Variants in LSAMP observed in about 807,000 individuals in gnomAD.
LSAMP encodes limbic system associated membrane protein, also known as limbic system-associated membrane protein.
LSAMP carries 7 observed loss-of-function variants against 38.6 expected under a neutral mutation model. That is an observed-to-expected ratio of 0.18 (90% CI 0.10 to 0.34). LSAMP has a LOEUF of 0.34. Ranked by LOEUF, LSAMP falls within the 10% of genes least tolerant of loss-of-function variation. The pLI, the probability that LSAMP is intolerant of heterozygous loss-of-function variation, is 1.00. For synonymous variants in LSAMP, 154 were observed against 166.8 expected, an observed-to-expected ratio of 0.92 and a Z score of 0.59; for missense variants, 313 against 420.0, an observed-to-expected ratio of 0.75 and a Z score of 2.23.
At chr3:116,354,040 C>A (rs186458601) in intron 1 of LSAMP, among the ~76,000 whole-genome samples, 1 of 152,084 alleles carries the variant, frequency 6.6e-6, no homozygotes, top group South Asian at 2.1e-4. Context: ...TCTGCTAAAA[C>A]CCTTCCCACA....
At chr3:116,103,126 A>C (rs1313497077) in intron 1 of LSAMP, among the ~76,000 whole-genome samples, 2 of 152,134 alleles carry the variant, frequency 1.3e-5, no homozygotes, top group Non-Finnish European at 2.9e-5. Flanking sequence ...TTTCTTTACT[A>C]TATTAATCAT....
intron 1 of LSAMP, among the ~76,000 whole-genome samples, chr3:116,340,153 A>G (rs533835291): frequency 2.6e-5 from 4 of 152,150 alleles, no homozygotes; most frequent in South Asian, 2.1e-4. Flanking sequence ...ACTTTGGGTA[A>G]TTTAGTCTGC....
chr3:115,930,034 C>T (rs1416195689), intron 3 of LSAMP, among the ~76,000 whole-genome samples: 2 of 56,996 alleles, frequency 3.5e-5, no homozygotes, highest in Admixed American at 2.7e-4. Flanking sequence ...TTTGACACAG[C>T]AGATAGGTCT....
intron 3 of LSAMP, among the ~76,000 whole-genome samples, chr3:115,889,074 C>T (rs1016730829): frequency 6.6e-6 from 1 of 151,848 alleles, no homozygotes; most frequent in Non-Finnish European, 1.5e-5. Flanking sequence ...AATGTTCTCC[C>T]TCTCTCTAAA....
At chr3:116,309,814 T>C (rs2107715460) in intron 1 of LSAMP, among the ~76,000 whole-genome samples, 1 of 152,278 alleles carries the variant, frequency 6.6e-6, no homozygotes, top group Non-Finnish European at 1.5e-5. Context: ...CTGGTTACAA[T>C]AGCTGGCCAA....
chr3:116,190,305 C>A (rs1207616113), intron 1 of LSAMP, among the ~76,000 whole-genome samples: 4 of 152,116 alleles, frequency 2.6e-5, no homozygotes, highest in Admixed American at 6.5e-5. Context: ...TCCTTTCCCC[C>A]CTTTTTATTA....
chr3:116,016,109 T>G (rs1940475018), intron 3 of LSAMP, among the ~76,000 whole-genome samples: 1 of 152,120 alleles, frequency 6.6e-6, no homozygotes, highest in African/African-American at 2.4e-5. Flanking sequence ...CCACATAGCT[T>G]GTTTGTAATC....
intron 3 of LSAMP, among the ~76,000 whole-genome samples, chr3:115,950,980 C>T (rs749967347): frequency 4.6e-5 from 7 of 152,058 alleles, no homozygotes; most frequent in Non-Finnish European, 1.5e-5. Flanking sequence ...CAGATACTTA[C>T]AGCCAACTGA....
intron 6 of LSAMP, chr3:115,816,508 G>C (rs1306019032): frequency 9.5e-6 from 6 of 632,962 alleles, no homozygotes. Context: ...TATGGAAATT[G>C]TTATCACAAA....
intron 2 of LSAMP, among the ~76,000 whole-genome samples, chr3:116,038,309 T>C (rs1021585510): frequency 6.6e-6 from 1 of 152,156 alleles, no homozygotes; most frequent in Non-Finnish European, 1.5e-5. Flanking sequence ...TAAATGTCAC[T>C]AATCTCTGAA....
At chr3:116,117,363 T>C (rs896630898) in intron 1 of LSAMP, among the ~76,000 whole-genome samples, 78 of 152,160 alleles carry the variant, frequency 5.1e-4, no homozygotes, top group African/African-American at 1.9e-3. Flanking sequence ...TAGAACAGTT[T>C]TAGATTTACT....
At position 115,810,057 on chromosome 3, in the gene LSAMP, G is replaced by C; in HGVS notation, c.*260C>G. ...TCTTTACACAGCATACATTTGCTTA[G>C]TAGATATAAACATATCCCAGTAGAA... On this transcript the variant is annotated 3_prime_UTR_variant, in exon 7 of 7. Transcript: ENST00000490035. The C allele has an allele frequency of 2.5e-6, 1 of 402,786 alleles. No individual in the cohort carries two copies. The highest frequency in any genetic ancestry group is 4.5e-6 in the Non-Finnish European group (1 of 223,222). The allele number at this position is 402,786 out of a possible 1,614,324, so 25.0% of individuals were successfully genotyped here. A position where few individuals can be genotyped will look rare whatever the true frequency, so the allele number is the denominator to read the frequency against.
At chr3:116,090,024 AT>A (rs927995187) in intron 1 of LSAMP, among the ~76,000 whole-genome samples, 5 of 150,982 alleles carry the variant, frequency 3.3e-5, no homozygotes, top group Admixed American at 1.3e-4. Flanking sequence ...GGTGGCACCT[AT>A]TTTTTTTAAT....
chr3:115,959,057 C>A (rs1426372080), intron 3 of LSAMP, among the ~76,000 whole-genome samples: 5 of 152,142 alleles, frequency 3.3e-5, no homozygotes, highest in Non-Finnish European at 7.4e-5. Context: ...AGTTAGGACA[C>A]AAATTATAGA....
rs1708793150 is a variant in LSAMP at position 116,118,062 on chromosome 3, C to T, written c.156-31506G>A. Among the ~76,000 whole-genome samples the T allele has an allele frequency of 2.0e-5, 3 of 151,908 alleles. No homozygotes were observed. The South Asian group carries it at 6.2e-4, about 32-fold the overall frequency. ...ATGGAGTCTCAGTGGAAAATTAAGG[C>T]TGAGATTGGGTGTGGGTAGGGTCTT... On this transcript the variant is annotated intron_variant, in intron 1 of 6. Coordinates refer to ENST00000490035, the MANE Select transcript of LSAMP (RefSeq NM_002338.5).
intron 1 of LSAMP, among the ~76,000 whole-genome samples, chr3:116,365,692 G>A (rs1005581369): frequency 4.7e-5 from 4 of 84,792 alleles, no homozygotes; most frequent in African/African-American, 2.1e-4. Flanking sequence ...CATAAAAAAT[G>A]ATGAGTTCAT....
At chr3:116,209,373 G>T (rs559829640) in intron 1 of LSAMP, among the ~76,000 whole-genome samples, 133 of 152,318 alleles carry the variant, frequency 8.7e-4, no homozygotes, top group African/African-American at 3.2e-3. Flanking sequence ...CTTCGCTCAC[G>T]CTGGGAGCTG....
At chr3:115,852,314 A>T (rs946003633) in intron 4 of LSAMP, among the ~76,000 whole-genome samples, 169 bp downstream of exon 4, 1 of 152,244 alleles carries the variant, frequency 6.6e-6, no homozygotes, top group African/African-American at 2.4e-5. Context: ...TACCAAATTC[A>T]AAGACCAAGT....
chr3:116,081,331 G>A (rs1258991729), intron 2 of LSAMP, among the ~76,000 whole-genome samples: 4 of 152,054 alleles, frequency 2.6e-5, no homozygotes, highest in Non-Finnish European at 4.4e-5. Flanking sequence ...GCACGCGCCT[G>A]TAGTCCCAGC....
Sources: allele counts gnomAD v4.1 joint callset (sites outside exome capture counted in the v4.1 genomes callset), GRCh38; gene constraint gnomAD v4.1.1; transcripts MANE v1.5; gene names NCBI Gene and HGNC (gene_info 2026-07-23, HGNC 2026-07-21).